CNTNAP2: variants seen among roughly 807,000 people sequenced by gnomAD.
The protein encoded by CNTNAP2 is contactin-associated protein-like 2.
In CNTNAP2, 98 loss-of-function variants were observed where a neutral mutation model predicts 155.2. That is an observed-to-expected ratio of 0.63 (90% CI 0.54 to 0.75). The LOEUF (loss-of-function observed/expected upper bound fraction) is 0.75. Ranked by LOEUF, CNTNAP2 falls within the 30% of genes least tolerant of loss-of-function variation. The pLI is 0.00. For missense variants in CNTNAP2, 1,727 were observed against 1,688.1 expected, an observed-to-expected ratio of 1.02 and a Z score of -0.40; for synonymous variants, 651 against 631.2, an observed-to-expected ratio of 1.03 and a Z score of -0.47.
chr7:146,918,085 G>T (rs1031167136), intron 3 of CNTNAP2, among the ~76,000 whole-genome samples: 2 of 152,106 alleles, frequency 1.3e-5, no homozygotes, highest in African/African-American at 2.4e-5. Flanking sequence ...CATGTGTCAG[G>T]TGAGTCTCTT....
At chr7:147,997,540 G>A (rs1352700187) in intron 15 of CNTNAP2, among the ~76,000 whole-genome samples, 5 of 138,612 alleles carry the variant, frequency 3.6e-5, no homozygotes, top group Non-Finnish European at 7.6e-5. Flanking sequence ...TGGGCAACAA[G>A]AGCAAAACTC....
intron 20 of CNTNAP2, among the ~76,000 whole-genome samples, chr7:148,265,648 T>C (rs1796655702): frequency 6.6e-6 from 1 of 152,214 alleles, no homozygotes; most frequent in Non-Finnish European, 1.5e-5. Flanking sequence ...ATGTTTACTT[T>C]AATAGTTTTT....
intron 13 of CNTNAP2, among the ~76,000 whole-genome samples, chr7:147,895,262 C>T (rs1799759233): frequency 3.3e-5 from 5 of 152,156 alleles, no homozygotes; most frequent in Middle Eastern, 3.4e-3. Flanking sequence ...GCGTGAGCCA[C>T]CGCGCCCAGC....
At chr7:147,739,556 A>G (rs76084995) in intron 13 of CNTNAP2, among the ~76,000 whole-genome samples, 4,788 of 152,166 alleles carry the variant, frequency 0.031, 245 homozygotes, top group African/African-American at 0.11. Flanking sequence ...TGGAAAGGTG[A>G]GTCTAATGGT....
chr7:147,798,129 A>G (rs1008851880), intron 13 of CNTNAP2, among the ~76,000 whole-genome samples: 3 of 152,224 alleles, frequency 2.0e-5, no homozygotes, highest in Admixed American at 2.0e-4. Flanking sequence ...TCTGCCAAAT[A>G]CATTGTTGTC....
At chr7:147,475,753 A>G (rs980729512) in intron 10 of CNTNAP2, among the ~76,000 whole-genome samples, 2 of 152,060 alleles carry the variant, frequency 1.3e-5, no homozygotes, top group Non-Finnish European at 2.9e-5. Context: ...ATTATGTTTT[A>G]TTGCCACATA....
chr7:147,817,972 A>G (rs945504315), intron 13 of CNTNAP2, among the ~76,000 whole-genome samples: 2 of 151,868 alleles, frequency 1.3e-5, no homozygotes, highest in South Asian at 4.1e-4. Flanking sequence ...CTGGAAAATT[A>G]ATGAATCTAA....
chr7:147,406,919 G>T (rs1222165134), intron 10 of CNTNAP2, among the ~76,000 whole-genome samples: 2 of 152,158 alleles, frequency 1.3e-5, no homozygotes, highest in African/African-American at 4.8e-5. Context: ...TTTGTGTATA[G>T]CATTAACTTT....
intron 1 of CNTNAP2, among the ~76,000 whole-genome samples, chr7:146,245,103 G>A (rs1799624002): frequency 2.0e-5 from 3 of 152,168 alleles, no homozygotes; most frequent in Non-Finnish European, 4.4e-5. Flanking sequence ...CTTTGCTTGT[G>A]TGTGGCGATT....
chr7:148,349,511 C>G (rs1798388696), intron 21 of CNTNAP2, among the ~76,000 whole-genome samples: 1 of 151,676 alleles, frequency 6.6e-6, no homozygotes, highest in Admixed American at 6.6e-5. Flanking sequence ...ACGCCATTCT[C>G]CTGCCTCAGT....
intron 1 of CNTNAP2, among the ~76,000 whole-genome samples, chr7:146,547,296 T>A (rs959389653): frequency 2.6e-5 from 4 of 152,060 alleles, no homozygotes; most frequent in Non-Finnish European, 4.4e-5. Context: ...TTCTTCTTAA[T>A]TTACACATTG....
intron 21 of CNTNAP2, among the ~76,000 whole-genome samples, chr7:148,321,901 T>A (rs1030552007): frequency 1.1e-4 from 16 of 151,580 alleles, no homozygotes; most frequent in African/African-American, 3.6e-4. Flanking sequence ...ATTCTTCTTT[T>A]TTTTTTTTTT....
At chr7:147,117,950 T>G (rs897512341) in intron 5 of CNTNAP2, among the ~76,000 whole-genome samples, 3 of 152,072 alleles carry the variant, frequency 2.0e-5, no homozygotes, top group Admixed American at 6.6e-5. Context: ...AAAGTAACAT[T>G]AAAATGCATG....
intron 1 of CNTNAP2, among the ~76,000 whole-genome samples, chr7:146,515,186 T>C (rs954077018): frequency 6.6e-6 from 1 of 152,114 alleles, no homozygotes; most frequent in Non-Finnish European, 1.5e-5. Context: ...GATTCTTGGT[T>C]CTAGCTGTAC....
At chr7:147,677,545 TG>T (rs1269987649) in intron 13 of CNTNAP2, among the ~76,000 whole-genome samples, 1 of 151,918 alleles carries the variant, frequency 6.6e-6, no homozygotes, top group Non-Finnish European at 1.5e-5. Flanking sequence ...TGTCTATCTT[TG>T]CTTTTGTCGC....
intron 3 of CNTNAP2, among the ~76,000 whole-genome samples, chr7:146,987,570 C>T (rs1259954121): frequency 2.0e-5 from 3 of 152,058 alleles, no homozygotes; most frequent in Non-Finnish European, 2.9e-5. Context: ...TCAAATTAGT[C>T]TAAAATGGAG....
At chr7:147,628,313 T>C (rs1795023651) in intron 12 of CNTNAP2, among the ~76,000 whole-genome samples, 1 of 152,148 alleles carries the variant, frequency 6.6e-6, no homozygotes, top group South Asian at 2.1e-4. Context: ...ACAGAAAGAA[T>C]TGGGGTGTCA....
chr7:147,928,020 C>T (rs377306731), intron 14 of CNTNAP2, among the ~76,000 whole-genome samples: 4 of 152,268 alleles, frequency 2.6e-5, no homozygotes, highest in South Asian at 2.1e-4. Flanking sequence ...AATTATGGGG[C>T]AGTTTTTCCC....
At chr7:147,723,628 T>A (rs1047028687) in intron 13 of CNTNAP2, among the ~76,000 whole-genome samples, 1 of 151,938 alleles carries the variant, frequency 6.6e-6, no homozygotes, top group African/African-American at 2.4e-5. Context: ...AAAAGATCAG[T>A]CTGCATCTGT....
Sources: allele counts gnomAD v4.1 joint callset (sites outside exome capture counted in the v4.1 genomes callset), GRCh38; gene constraint gnomAD v4.1.1; transcripts MANE v1.5; gene names NCBI Gene and HGNC (gene_info 2026-07-23, HGNC 2026-07-21).